NPTXR: variants seen among roughly 807,000 people sequenced by gnomAD.
NPTXR encodes the protein neuronal pentraxin receptor.
NPTXR carries 12 observed loss-of-function variants against 32.2 expected under a neutral mutation model. That is an observed-to-expected ratio of 0.37 (90% CI 0.24 to 0.60). The LOEUF (loss-of-function observed/expected upper bound fraction) is 0.60, where lower values mean the gene tolerates loss of function less well. Ranked by LOEUF, NPTXR falls within the 20% of genes least tolerant of loss-of-function variation. The pLI is 0.66. For synonymous variants in NPTXR, 323 were observed against 315.8 expected, an observed-to-expected ratio of 1.02 and a Z score of -0.24; for missense variants, 612 against 682.9, an observed-to-expected ratio of 0.90 and a Z score of 1.16.
rs141109298 is a variant in NPTXR at position 38,821,877 on chromosome 22, G to C, written c.*732C>G. On this transcript the variant is annotated 3_prime_UTR_variant, in exon 5 of 5. Coordinates refer to ENST00000333039, the MANE Select transcript of NPTXR (RefSeq NM_014293.4). ...TGACTATACCAGTGGCCATCACTAT[G>C]GGTGAGCACAAGGGGTGACTGCAGC... is the stretch of plus-strand genomic sequence containing the variant. 901 of 153,882 alleles carry C rather than the reference G, an allele frequency of 5.9e-3. 3 individuals carry two copies. The highest frequency in any genetic ancestry group is 0.01 in the Non-Finnish European group (693 of 68,896). The allele number at this position is 153,882 out of a possible 1,614,324, so 9.5% of individuals were successfully genotyped here. A position where few individuals can be genotyped will look rare whatever the true frequency, so the allele number is the denominator to read the frequency against.
At chr22:38,837,614 T>C (rs2093125926) in intron 1 of NPTXR, among the ~76,000 whole-genome samples, 1 of 152,092 alleles carries the variant, frequency 6.6e-6, no homozygotes, top group Admixed American at 6.6e-5. Flanking sequence ...GGTACACACA[T>C]GTACCCCCAT....
At chr22:38,827,945 G>T (rs1351501891) in intron 2 of NPTXR, among the ~76,000 whole-genome samples, 1 of 152,114 alleles carries the variant, frequency 6.6e-6, no homozygotes, top group Non-Finnish European at 1.5e-5. Flanking sequence ...GACCTTGTTT[G>T]AGGTCCAGAC....
rs1355432056 is a variant in NPTXR, at chr22:38,843,772, C to A, written c.87G>T (p.Ala29=). The change falls in exon 1 of 5, where the codon GCG becomes GCT. Residue 29 remains alanine (A), a synonymous_variant. Coordinates refer to ENST00000333039, the MANE Select transcript of NPTXR (RefSeq NM_014293.4). This position sits in a 1 kb window ranked among gnomAD's most constrained non-coding sequence, Gnocchi z 5.3. Reference sequence around the variant, plus strand: ...CGGGCAGCGCCCGCGCCGGGCTGGCCGCCAGGGGCACGCTGGCGATGATGC... The same window carrying A: ...CGGGCAGCGCCCGCGCCGGGCTGGCAGCCAGGGGCACGCTGGCGATGATGC... 1 of 1,004,410 alleles carries A rather than the reference C, an allele frequency of 1.0e-6. No individual in the cohort carries two copies. Among genetic ancestry groups the A allele is most frequent in the Non-Finnish European group, 1.2e-6 (1 of 843,986 alleles). The allele number at this position is 1,004,410 out of a possible 1,614,324, so 62.2% of individuals were successfully genotyped here.
In NPTXR at chr22:38,822,699, G is replaced by A. The variant is rs1336098615; in HGVS notation, c.1413C>T (p.Asn471=). The A allele has an allele frequency of 1.7e-5, 27 of 1,614,048 alleles. No individual in the cohort carries two copies. The highest frequency in any genetic ancestry group is 5.3e-5 in the African/African-American group (4 of 74,928). Residue 471 remains asparagine, a synonymous_variant, in exon 5 of 5, where the codon AAC becomes AAT. Coordinates refer to ENST00000333039, the MANE Select transcript of NPTXR (RefSeq NM_014293.4). ...CCAACTTGTCTTCCCAGGGAAGGAC[G>A]TTGCCCAGCAGTGGCGCAGTGCAGT...
chr22:38,822,517 G>A lies in NPTXR; in HGVS notation c.*92C>T. 1.8e-6 allele frequency: 2 copies of A among 1,103,240 alleles called. No homozygotes were observed. The highest frequency in any genetic ancestry group is 2.6e-5 in the East Asian group (1 of 38,854). 68.3% of individuals were successfully genotyped at this position (1,103,240 alleles called of 1,614,324 possible). A position where few individuals can be genotyped will look rare whatever the true frequency, so the allele number is the denominator to read the frequency against. On this transcript the variant is annotated 3_prime_UTR_variant, in exon 5 of 5. Coordinates refer to ENST00000333039, the MANE Select transcript of NPTXR (RefSeq NM_014293.4). ...CAGCCAGGAGTGGGGCAGGAGGGAA[G>A]GCCAGTGCGTGGGCAGGCTGAGGAG...
rs377318655 is a variant in NPTXR, at chr22:38,826,475, A to G, written c.1098+25T>C. The G allele has an allele frequency of 6.6e-5, 104 of 1,582,512 alleles. No individual in the cohort carries two copies. The East Asian group carries it at 2.2e-3, about 34-fold the overall frequency. ...CTGGAAGGGTGGCCCTCCCCCAGCC[A>G]GCCCTCCCTGCCAGCCCTGCCTACC... On this transcript the variant is annotated intron_variant, in intron 3 of 4. Coordinates refer to ENST00000333039, the MANE Select transcript of NPTXR (RefSeq NM_014293.4).
intron 1 of NPTXR, among the ~76,000 whole-genome samples, chr22:38,837,220 C>T (rs2093125254): frequency 1.3e-5 from 2 of 152,306 alleles, no homozygotes; most frequent in South Asian, 4.1e-4. Context: ...GGAATTTGCA[C>T]CCAGGTGATC....
chr22:38,838,313 A>G (rs981165799), intron 1 of NPTXR, among the ~76,000 whole-genome samples: 1 of 152,120 alleles, frequency 6.6e-6, no homozygotes, highest in African/African-American at 2.4e-5. Flanking sequence ...CTATTTGCTC[A>G]TCTGTAAGAT....
chr22:38,841,866 C>T (rs1444117347), intron 1 of NPTXR, among the ~76,000 whole-genome samples: 1 of 152,232 alleles, frequency 6.6e-6, no homozygotes, highest in Non-Finnish European at 1.5e-5. Context: ...TCTTGGTTCT[C>T]TCATCCTAGA....
At position 38,843,594 on chromosome 22, in the gene NPTXR, G is replaced by C. The variant is rs1292633639; in HGVS notation, c.265C>G (p.Pro89Ala). The C allele has an allele frequency of 5.0e-6, 6 of 1,191,254 alleles. No individual in the cohort carries two copies. The highest frequency in any genetic ancestry group is 6.2e-6 in the Non-Finnish European group (6 of 962,662). 73.8% of individuals were successfully genotyped at this position (1,191,254 alleles called of 1,614,324 possible). ...GTGCACAGGAAGCGGCTGAACAGGG[G>C]CCCGGGCGGCAGCGGGTGCGCGCTG... The change falls in exon 1 of 5, where the codon CCC becomes GCC. Residue 89 changes from proline to alanine, a missense_variant. Physicochemically the swap from Pro to Ala is conservative, Grantham distance 27. Coordinates refer to ENST00000333039, the MANE Select transcript of NPTXR (RefSeq NM_014293.4). The surrounding 1 kb of genome is among the most constrained non-coding windows in gnomAD (Gnocchi z 5.3).
At chr22:38,822,945 C>T (rs2093100538) in intron 4 of NPTXR, 112 bp from the exon 5 acceptor site, 1 of 1,420,804 alleles carries the variant, frequency 7.0e-7, no homozygotes, top group Non-Finnish European at 9.8e-7. Flanking sequence ...CCTTCAACCC[C>T]ACTGAAGCCC....
In NPTXR at chr22:38,823,245, C is replaced by T. The variant is rs748254165; in HGVS notation, c.1116G>A (p.Leu372=). The T allele has an allele frequency of 6.2e-7, 1 of 1,612,410 alleles. No individual in the cohort carries two copies. The highest frequency in any genetic ancestry group is 8.5e-7 in the Non-Finnish European group (1 of 1,179,996). ...GGTGCCAGCCATTGTCCTTCAGGCT[C>T]AGGGGCAGCTGGGCCACCTGGACAC... Residue 372 remains leucine, a synonymous_variant, in exon 4 of 5, where the codon CTG becomes CTA. Transcript: ENST00000333039.
chr22:38,840,085 TA>T, intron 1 of NPTXR, among the ~76,000 whole-genome samples: 1 of 152,312 alleles, frequency 6.6e-6, no homozygotes, highest in Admixed American at 6.5e-5. Flanking sequence ...CCTAAGCCCT[TA>T]AATGTGGCTC....
intron 1 of NPTXR, among the ~76,000 whole-genome samples, chr22:38,833,802 G>A (rs1260196629): frequency 2.6e-5 from 4 of 151,726 alleles, no homozygotes; most frequent in Non-Finnish European, 5.9e-5. Context: ...TCAGCCTCCC[G>A]AGTAGCTGGG....
At chr22:38,842,495 C>T (rs1056629957) in intron 1 of NPTXR, among the ~76,000 whole-genome samples, 1 of 152,202 alleles carries the variant, frequency 6.6e-6, no homozygotes, top group Admixed American at 6.5e-5. Context: ...GTGGGTTCCC[C>T]CATGCTGGAC....
At position 38,843,212 on chromosome 22, in the gene NPTXR, C is replaced by A; in HGVS notation, c.624+23G>T. On this transcript the variant is annotated intron_variant, in intron 1 of 4. Coordinates refer to ENST00000333039, the MANE Select transcript of NPTXR (RefSeq NM_014293.4). The surrounding 1 kb of genome is among the most constrained non-coding windows in gnomAD (Gnocchi z 5.3). ...GCCCCTCACACCACCCGGGCGGCTC[C>A]CCCGACGGCGCGCGGCGCTCACCTC... The A allele has an allele frequency of 7.7e-7, 1 of 1,302,348 alleles. No individual in the cohort carries two copies. The highest frequency in any genetic ancestry group is 2.3e-5 in the South Asian group (1 of 44,034). 80.7% of individuals were successfully genotyped at this position (1,302,348 alleles called of 1,614,324 possible). A position where few individuals can be genotyped will look rare whatever the true frequency, so the allele number is the denominator to read the frequency against.
intron 1 of NPTXR, among the ~76,000 whole-genome samples, chr22:38,840,479 G>A (rs1387434447): frequency 6.6e-6 from 1 of 152,058 alleles, no homozygotes; most frequent in Admixed American, 6.5e-5. Context: ...AGGGAAGGGT[G>A]TGCCTGGAGT....
chr22:38,842,320 GA>G (rs1379654296), intron 1 of NPTXR, among the ~76,000 whole-genome samples: 1 of 152,208 alleles, frequency 6.6e-6, no homozygotes, highest in Non-Finnish European at 1.5e-5. Flanking sequence ...TTGTGGTCTG[GA>G]AGTCAGGCCA....
Position 38,818,672 on chromosome 22 carries a change from CAACTT to C in NPTXR, c.*3932_*3936del, listed in dbSNP as rs2093091605. 2 of 152,184 alleles carry C rather than the reference CAACTT, an allele frequency of 1.3e-5. No individual in the cohort carries two copies. Among genetic ancestry groups the C allele is most frequent in the African/African-American group, 4.8e-5 (2 of 41,420 alleles). The allele number at this position is 152,184 out of a possible 1,614,324, so 9.4% of individuals were successfully genotyped here. On this transcript the variant is annotated 3_prime_UTR_variant, in exon 5 of 5. Coordinates refer to ENST00000333039, the MANE Select transcript of NPTXR (RefSeq NM_014293.4). The surrounding 1 kb of genome is among the most constrained non-coding windows in gnomAD (Gnocchi z 4.5). Reference sequence around the variant, plus strand: ...GGTGCACTAATGTCACAGTGTCAGACAACTTGACATGCTCACTCACACTCAGCCTG... The same window carrying C: ...GGTGCACTAATGTCACAGTGTCAGACGACATGCTCACTCACACTCAGCCTG...
Sources: allele counts gnomAD v4.1 joint callset (sites outside exome capture counted in the v4.1 genomes callset), GRCh38; gene constraint gnomAD v4.1.1; non-coding constraint Gnocchi (gnomAD v3.1); transcripts MANE v1.5; gene names NCBI Gene and HGNC (gene_info 2026-07-23, HGNC 2026-07-21).